The following EXOC6 variants were observed in gnomAD, a reference collection of about 807,000 sequenced individuals.
The protein encoded by EXOC6 is exocyst complex component 6.
EXOC6 carries 60 observed loss-of-function variants against 112.5 expected under a neutral mutation model. The observed-to-expected ratio is 0.53, with a 90% confidence interval of 0.43 to 0.66. EXOC6 has a LOEUF of 0.66. Ranked by LOEUF, EXOC6 falls within the 30% of genes least tolerant of loss-of-function variation. The pLI, the probability that EXOC6 is intolerant of heterozygous loss-of-function variation, is 0.00. For missense variants in EXOC6, 855 were observed against 957.1 expected (o/e 0.89, Z 1.41); for synonymous variants, 295 against 308.0 (o/e 0.96, Z 0.44).
At chr10:92,883,314 GTTTC>G (rs1428541104) in intron 1 of EXOC6, among the ~76,000 whole-genome samples, 1 of 152,024 alleles carries the variant, frequency 6.6e-6, no homozygotes, top group African/African-American at 2.4e-5. Context: ...AATTTCTATT[GTTTC>G]TTTGTGTTTG....
chr10:92,926,735 C>T (rs539250423), intron 8 of EXOC6, among the ~76,000 whole-genome samples: 2 of 152,060 alleles, frequency 1.3e-5, no homozygotes, highest in South Asian at 4.2e-4. Context: ...AGTCTCACCA[C>T]GTTGCCCAGG....
intron 20 of EXOC6, among the ~76,000 whole-genome samples, chr10:93,036,263 C>T (rs754329735): frequency 6.6e-6 from 1 of 152,010 alleles, no homozygotes; most frequent in Non-Finnish European, 1.5e-5. Context: ...TTTTCCCCTC[C>T]TCTTCAGTCT....
intron 1 of EXOC6, among the ~76,000 whole-genome samples, chr10:92,860,262 C>A (rs1296953080): frequency 1.4e-5 from 2 of 138,900 alleles, no homozygotes; most frequent in Admixed American, 8.2e-5. Flanking sequence ...TCTATCTCCA[C>A]AACTTTTTTT....
chr10:92,857,533 G>T (rs1847659045), intron 1 of EXOC6, among the ~76,000 whole-genome samples: 1 of 151,946 alleles, frequency 6.6e-6, no homozygotes, highest in African/African-American at 2.4e-5. Flanking sequence ...TTCATTTGTT[G>T]CTGGGTTTTT....
intron 14 of EXOC6, 63 bp from the exon 15 acceptor site, chr10:92,952,210 T>C (rs1204313371): frequency 3.1e-6 from 3 of 977,026 alleles, no homozygotes; most frequent in Non-Finnish European, 4.8e-6. Flanking sequence ...TTTTACATTT[T>C]TTAGTGATTA....
At chr10:92,965,299 G>C (rs1841999638) in intron 17 of EXOC6, among the ~76,000 whole-genome samples, 1 of 152,070 alleles carries the variant, frequency 6.6e-6, no homozygotes, top group South Asian at 2.1e-4. Flanking sequence ...CCTCAGGTGG[G>C]TTCTGTTGCA....
intron 17 of EXOC6, among the ~76,000 whole-genome samples, chr10:92,970,852 T>G (rs1842266312): frequency 6.6e-6 from 1 of 152,208 alleles, no homozygotes; most frequent in African/African-American, 2.4e-5. Flanking sequence ...GTGGTTAGTG[T>G]GAAAATTGGA....
chr10:92,837,462 T>C (rs957080430), intron 1 of EXOC6, among the ~76,000 whole-genome samples: 17 of 152,112 alleles, frequency 1.1e-4, no homozygotes, highest in African/African-American at 3.9e-4. Flanking sequence ...TTGAGGCCAG[T>C]TGAAGACCAG....
At chr10:92,837,116 A>ACACACACG (rs1237882111) in intron 1 of EXOC6, among the ~76,000 whole-genome samples, 1 of 151,282 alleles carries the variant, frequency 6.6e-6, no homozygotes. Flanking sequence ...ACACACACAC[A>ACACACACG]CACACACACA....
In EXOC6 at chr10:93,024,724, T is replaced by A. The variant is rs114865516; in HGVS notation, c.2169+10457T>A. The stretch of plus-strand genomic sequence containing the variant: ...TAAGCCACCGTGCCTGGCCTTTTAT[T>A]AGAATTTTAAAGATAGGAATTCTGC... On this transcript the variant is annotated intron_variant, in intron 20 of 21. Transcript: ENST00000260762. Among the ~76,000 whole-genome samples, 972 of 152,294 alleles carry A rather than the reference T, an allele frequency of 6.4e-3. 18 individuals are homozygous for A. The highest frequency in any genetic ancestry group is 0.022 in the African/African-American group (921 of 41,562).
chr10:92,862,105 T>A (rs1847938142), intron 1 of EXOC6, among the ~76,000 whole-genome samples: 1 of 152,238 alleles, frequency 6.6e-6, no homozygotes, highest in South Asian at 2.1e-4. Flanking sequence ...ACATTTTTCA[T>A]CATTACAGAA....
chr10:92,996,630 A>G (rs890857019), intron 18 of EXOC6, among the ~76,000 whole-genome samples: 1 of 152,022 alleles, frequency 6.6e-6, no homozygotes, highest in Non-Finnish European at 1.5e-5. Context: ...ATTAATTTAC[A>G]CTAAAAGTGA....
At chr10:92,850,284 A>G (rs974742614) in intron 1 of EXOC6, among the ~76,000 whole-genome samples, 1 of 152,234 alleles carries the variant, frequency 6.6e-6, no homozygotes, top group Admixed American at 6.5e-5. Flanking sequence ...GGAACAGAAT[A>G]TGTGTATTCA....
chr10:92,899,045 A>T (rs1849999872), intron 4 of EXOC6, among the ~76,000 whole-genome samples: 1 of 152,190 alleles, frequency 6.6e-6, no homozygotes, highest in Non-Finnish European at 1.5e-5. Flanking sequence ...ATGAATAAAG[A>T]TGCTTTGTTA....
chr10:92,903,908 C>T (rs1850306917), intron 5 of EXOC6, among the ~76,000 whole-genome samples: 1 of 152,044 alleles, frequency 6.6e-6, no homozygotes, highest in Admixed American at 6.6e-5. Flanking sequence ...CAGTATCATA[C>T]AGAATAGTTT....
chr10:92,952,970 G>A (rs1351631010), intron 15 of EXOC6, among the ~76,000 whole-genome samples: 1 of 152,130 alleles, frequency 6.6e-6, no homozygotes, highest in African/African-American at 2.4e-5. Context: ...TGAACATATG[G>A]GTACATGTGT....
intron 6 of EXOC6, among the ~76,000 whole-genome samples, chr10:92,913,246 G>T (rs1327165018): frequency 6.6e-6 from 1 of 152,088 alleles, no homozygotes; most frequent in Non-Finnish European, 1.5e-5. Context: ...AATGTTATTT[G>T]TTACTAAGTC....
At chr10:92,937,139 G>C (rs1176656265) in intron 12 of EXOC6, among the ~76,000 whole-genome samples, 5 of 152,132 alleles carry the variant, frequency 3.3e-5, no homozygotes, top group African/African-American at 1.2e-4. Context: ...ATAAAGAATT[G>C]ATTGCATTTT....
At chr10:92,925,715 A>G (rs1340219238) in intron 8 of EXOC6, among the ~76,000 whole-genome samples, 2 of 152,120 alleles carry the variant, frequency 1.3e-5, no homozygotes, top group Admixed American at 6.6e-5. Context: ...CCTGGAGTGC[A>G]GTGGTGAGAT....
Sources: gnomAD v4.1 joint callset for allele counts (sites outside exome capture counted in the v4.1 genomes callset) on GRCh38, gnomAD v4.1.1 for gene constraint, MANE v1.5 for transcripts, NCBI Gene and HGNC (gene_info 2026-07-23, HGNC 2026-07-21) for gene names.